Variants in ERBB4 observed in about 807,000 individuals in gnomAD.
ERBB4 encodes receptor tyrosine-protein kinase erbB-4.
ERBB4 carries 42 observed loss-of-function variants against 158.0 expected under a neutral mutation model. The observed-to-expected ratio is 0.27, with a 90% CI of 0.21 to 0.34. ERBB4 has a LOEUF of 0.34. Ranked by LOEUF, ERBB4 falls within the 10% of genes least tolerant of loss-of-function variation. The pLI, the probability that ERBB4 is intolerant of heterozygous loss-of-function variation, is 1.00. For synonymous variants in ERBB4, 583 were observed against 558.7 expected, an observed-to-expected ratio of 1.04 and a Z score of -0.61; for missense variants, 1,333 against 1,624.1, an observed-to-expected ratio of 0.82 and a Z score of 3.08.
At chr2:211,751,120 T>G (rs2075119847) in intron 4 of ERBB4, among the ~76,000 whole-genome samples, 1 of 152,124 alleles carries the variant, frequency 6.6e-6, no homozygotes, top group Non-Finnish European at 1.5e-5. Flanking sequence ...CAGTTAAAAA[T>G]AAGTGGAAAT....
At chr2:212,026,034 G>A (rs2076764935) in intron 2 of ERBB4, among the ~76,000 whole-genome samples, 1 of 151,518 alleles carries the variant, frequency 6.6e-6, no homozygotes, top group South Asian at 2.1e-4. Context: ...ATAAATAATA[G>A]ATGCGTAAAT....
At chr2:211,669,635 G>C (rs1441920274) in intron 14 of ERBB4, among the ~76,000 whole-genome samples, 1 of 152,056 alleles carries the variant, frequency 6.6e-6, no homozygotes, top group African/African-American at 2.4e-5. Flanking sequence ...TAAGCGCAAA[G>C]GCCTTCTTTT....
At chr2:211,782,743 G>T (rs1428496154) in intron 4 of ERBB4, among the ~76,000 whole-genome samples, 4 of 152,066 alleles carry the variant, frequency 2.6e-5, no homozygotes, top group African/African-American at 9.7e-5. Flanking sequence ...TCTCTGTTTT[G>T]GTACCAGTAC....
At chr2:211,449,068 A>ATAC (rs1163906866) in intron 20 of ERBB4, among the ~76,000 whole-genome samples, 1 of 152,126 alleles carries the variant, frequency 6.6e-6, no homozygotes, top group Non-Finnish European at 1.5e-5. Flanking sequence ...CTAGATATTA[A>ATAC]TACTGATTAG....
At position 211,890,334 on chromosome 2, in the gene ERBB4, A is replaced by C. The variant is rs1448210677; in HGVS notation, c.421+57096T>G. 8.0e-5 allele frequency among the ~76,000 whole-genome samples: 11 copies of C among 137,780 alleles called. No homozygotes were observed. In the East Asian group the frequency reaches 2.1e-3, roughly 26 times the overall value. 90.4% of individuals were successfully genotyped at this position (137,780 alleles called of 152,430 possible). On this transcript the variant is annotated intron_variant, in intron 3 of 27. Transcript: ENST00000342788. ...TTCATAAGTGAAGGAGAAATAAAAT[A>C]CTTCACAGACAAGCAAATGCTGAGA...
chr2:211,444,092 G>A (rs559466189), intron 20 of ERBB4, among the ~76,000 whole-genome samples: 7 of 151,754 alleles, frequency 4.6e-5, no homozygotes, highest in African/African-American at 1.7e-4. Flanking sequence ...CCTTACCATC[G>A]TTAAAGTTTG....
chr2:212,126,450 G>C (rs1428398721), intron 1 of ERBB4, among the ~76,000 whole-genome samples: 2 of 105,686 alleles, frequency 1.9e-5, no homozygotes, highest in African/African-American at 7.2e-5. Context: ...AACAGAGTGA[G>C]ACTCTGTCTC....
At chr2:212,233,453 G>A (rs776011205) in intron 1 of ERBB4, among the ~76,000 whole-genome samples, 2 of 152,028 alleles carry the variant, frequency 1.3e-5, no homozygotes, top group South Asian at 2.1e-4. Flanking sequence ...AAATGATTAC[G>A]TTAGCCTCCT....
intron 2 of ERBB4, among the ~76,000 whole-genome samples, chr2:212,016,105 G>A (rs2076523159): frequency 6.7e-6 from 1 of 149,042 alleles, no homozygotes; most frequent in Non-Finnish European, 1.5e-5. Flanking sequence ...TTCAATTGTT[G>A]TTAAACAGTT....
At chr2:212,270,252 A>G (rs1049017559) in intron 1 of ERBB4, among the ~76,000 whole-genome samples, 2 of 151,814 alleles carry the variant, frequency 1.3e-5, no homozygotes, top group African/African-American at 4.8e-5. Flanking sequence ...ATTAGAGGAA[A>G]AAATGTTAGT....
chr2:212,152,246 A>G (rs2080896293), intron 1 of ERBB4, among the ~76,000 whole-genome samples: 1 of 152,056 alleles, frequency 6.6e-6, no homozygotes, highest in South Asian at 2.1e-4. Flanking sequence ...TCGGCTAATT[A>G]TTTTACTCCT....
In ERBB4 at chr2:212,146,250, T is replaced by G. The variant is rs572303268; in HGVS notation, c.83-21347A>C. Among the ~76,000 whole-genome samples, 22 of 152,310 alleles carry G rather than the reference T, an allele frequency of 1.4e-4. No individual in the cohort carries two copies. The East Asian group carries it at 4.2e-3, about 29-fold the overall frequency. ...CTCAATAATGTTAATGCCCACTATT[T>G]CTCTTATCCTGAATGGTGACAGACT... On this transcript the variant is annotated intron_variant, in intron 1 of 27. Transcript: ENST00000342788.
At chr2:212,306,540 G>T (rs1053697341) in intron 1 of ERBB4, among the ~76,000 whole-genome samples, 2 of 151,390 alleles carry the variant, frequency 1.3e-5, no homozygotes, top group African/African-American at 4.8e-5. Flanking sequence ...TCCATTTAGA[G>T]CTTGTCATGT....
rs561477709 is a variant in ERBB4 at position 211,412,962 on chromosome 2, A to G, written c.3135+7479T>C. Among the ~76,000 whole-genome samples the G allele has an allele frequency of 9.9e-5, 15 of 150,962 alleles. No homozygotes were observed. The South Asian group carries it at 1.5e-3, about 15-fold the overall frequency. ...AGTGGGACTGTCTCAAAAAAAAAAA[A>G]AAAGAAAGAAAGAAAGAAAAGAAAT... On this transcript the variant is annotated intron_variant, in intron 25 of 27. Transcript: ENST00000342788.
rs530666511 is a variant in ERBB4 at position 212,344,696 on chromosome 2, T to C, written c.82+193753A>G. Among the ~76,000 whole-genome samples the C allele has an allele frequency of 5.1e-4, 77 of 152,196 alleles. 1 individual carries two copies. Among genetic ancestry groups the C allele is most frequent in the Non-Finnish European group, 9.6e-4 (65 of 68,030 alleles). ...CTCTAAAAGTCCTACTTTCATGGTA[T>C]ATAACAATGCAGTTAAAATGTATTG... On this transcript the variant is annotated intron_variant, in intron 1 of 27. Transcript: ENST00000342788.
chr2:212,276,484 C>T (rs1016717815), intron 1 of ERBB4, among the ~76,000 whole-genome samples: 2 of 151,716 alleles, frequency 1.3e-5, no homozygotes, highest in African/African-American at 2.4e-5. Context: ...ATGTAAGACA[C>T]ATGGCTTAGA....
chr2:212,268,097 A>G (rs1021916), intron 1 of ERBB4, among the ~76,000 whole-genome samples: 148,299 of 151,954 alleles, frequency 0.98, 72,557 homozygotes, highest in Middle Eastern at 1. Context: ...CTCTAGAAGA[A>G]GGTAGGAACC....
chr2:211,653,305 A>G (rs1280931605), intron 16 of ERBB4, among the ~76,000 whole-genome samples: 3 of 152,188 alleles, frequency 2.0e-5, no homozygotes, highest in Non-Finnish European at 4.4e-5. Context: ...ATCTTATCCA[A>G]TCTTCCTGAA....
chr2:211,973,920 G>A (rs111611354), intron 2 of ERBB4, among the ~76,000 whole-genome samples: 2 of 152,276 alleles, frequency 1.3e-5, no homozygotes, highest in Admixed American at 6.5e-5. Flanking sequence ...ATAAAGTCAT[G>A]TCCTTTACAG....
Sources: allele counts gnomAD v4.1 joint callset (sites outside exome capture counted in the v4.1 genomes callset), GRCh38; gene constraint gnomAD v4.1.1; transcripts MANE v1.5; gene names NCBI Gene and HGNC (gene_info 2026-07-23, HGNC 2026-07-21).